Variants in FAF1 observed in about 807,000 individuals in gnomAD.
The protein encoded by FAF1 is FAS-associated factor 1.
Under a neutral mutation model 92.5 loss-of-function variants are expected in FAF1, and 25 were observed. The observed-to-expected ratio is 0.27, with a 90% confidence interval of 0.20 to 0.38. The LOEUF (loss-of-function observed/expected upper bound fraction) is 0.38. FAF1 is among the 10% of genes least tolerant of loss of function. FAF1 has a pLI of 1.00. For synonymous variants in FAF1, 234 were observed against 273.2 expected, an observed-to-expected ratio of 0.86 and a Z score of 1.42; for missense variants, 636 against 793.3, an observed-to-expected ratio of 0.80 and a Z score of 2.38.
chr1:50,542,503 T>C (rs1049767994), intron 13 of FAF1, among the ~76,000 whole-genome samples: 3 of 152,238 alleles, frequency 2.0e-5, no homozygotes, highest in South Asian at 2.1e-4. Context: ...ATAAAATGCA[T>C]GGTTCTCATA....
At chr1:50,760,778 C>T (rs368792194) in intron 4 of FAF1, among the ~76,000 whole-genome samples, 21 of 152,200 alleles carry the variant, frequency 1.4e-4, no homozygotes, top group East Asian at 1.2e-3. Flanking sequence ...ATTAAAAGAA[C>T]TAGAAAAGCA....
At chr1:50,591,091 C>G (rs191800399) in intron 9 of FAF1, among the ~76,000 whole-genome samples, 1 of 151,920 alleles carries the variant, frequency 6.6e-6, no homozygotes, top group Non-Finnish European at 1.5e-5. Context: ...GTGAGTTTTT[C>G]AGATATGTCT....
At chr1:50,513,444 C>T (rs1419543711) in intron 15 of FAF1, among the ~76,000 whole-genome samples, 3 of 152,060 alleles carry the variant, frequency 2.0e-5, no homozygotes, top group African/African-American at 4.8e-5. Context: ...GAGATGAGAT[C>T]GCGCCATTGC....
intron 7 of FAF1, among the ~76,000 whole-genome samples, chr1:50,666,453 C>T (rs1002370180): frequency 7.2e-5 from 11 of 152,112 alleles, no homozygotes; most frequent in Non-Finnish European, 1.3e-4. Context: ...GCAATCCTCC[C>T]ACCTCAGCCC....
At chr1:50,742,540 C>T (rs1011073356) in intron 5 of FAF1, among the ~76,000 whole-genome samples, 4 of 152,164 alleles carry the variant, frequency 2.6e-5, no homozygotes, top group Admixed American at 2.0e-4. Flanking sequence ...TGCACCACCA[C>T]GCCCAGCTAA....
intron 4 of FAF1, among the ~76,000 whole-genome samples, chr1:50,766,045 T>C (rs1260212821): frequency 6.6e-6 from 1 of 151,914 alleles, no homozygotes; most frequent in Non-Finnish European, 1.5e-5. Context: ...TGAGCCGAGA[T>C]CGCGCCATTG....
intron 12 of FAF1, among the ~76,000 whole-genome samples, chr1:50,571,078 T>C (rs1317205770): frequency 2.0e-5 from 3 of 152,218 alleles, no homozygotes; most frequent in African/African-American, 4.8e-5. Context: ...ATTGAGACTA[T>C]AAAGATGAAT....
rs1433619505 is a variant in FAF1 at position 50,441,271 on chromosome 1, A to G, written c.*169T>C. ...GGGAATATATACTCATGGATGGGAA[A>G]TCTTAAGTAGCTATATTTATTATTA... On this transcript the variant is annotated 3_prime_UTR_variant, in exon 19 of 19. Coordinates refer to ENST00000396153, the MANE Select transcript of FAF1 (RefSeq NM_007051.3). 2.5e-5 allele frequency: 13 copies of G among 521,144 alleles called. No individual in the cohort carries two copies. Among genetic ancestry groups the G allele is most frequent in the Middle Eastern group, 5.0e-4 (1 of 2,000 alleles). 32.3% of individuals were successfully genotyped at this position (521,144 alleles called of 1,614,324 possible). A position where few individuals can be genotyped will look rare whatever the true frequency, so the allele number is the denominator to read the frequency against.
intron 4 of FAF1, 54 bp from the exon 5 acceptor site, chr1:50,744,829 T>C (rs375114106): frequency 9.2e-7 from 1 of 1,086,818 alleles, no homozygotes; most frequent in South Asian, 1.4e-5. Context: ...CAGTTAACAT[T>C]TGTCCATATC....
intron 8 of FAF1, among the ~76,000 whole-genome samples, chr1:50,628,730 T>C (rs1557443778): frequency 6.6e-6 from 1 of 152,168 alleles, no homozygotes; most frequent in Non-Finnish European, 1.5e-5. Context: ...TAGTTACCGT[T>C]TTCATCTCAC....
At chr1:50,891,693 G>A (rs573261143) in intron 1 of FAF1, among the ~76,000 whole-genome samples, 139 of 152,332 alleles carry the variant, frequency 9.1e-4, no homozygotes, top group African/African-American at 3.3e-3. Flanking sequence ...AACAGCAAAT[G>A]TTGCTGCCTG....
intron 2 of FAF1, among the ~76,000 whole-genome samples, chr1:50,854,707 T>C (rs1644377681): frequency 6.6e-6 from 1 of 151,846 alleles, no homozygotes; most frequent in Non-Finnish European, 1.5e-5. Context: ...TGACTAATAA[T>C]CAGAACTCCT....
At chr1:50,650,553 GA>G (rs1654817327) in intron 8 of FAF1, among the ~76,000 whole-genome samples, 1 of 152,166 alleles carries the variant, frequency 6.6e-6, no homozygotes, top group Non-Finnish European at 1.5e-5. Flanking sequence ...CTGGGAGGCA[GA>G]GGTTGCAGTC....
chr1:50,761,378 A>G (rs1569902053), intron 4 of FAF1, among the ~76,000 whole-genome samples: 1 of 152,348 alleles, frequency 6.6e-6, no homozygotes, highest in African/African-American at 2.4e-5. Flanking sequence ...AGGCAGAGAC[A>G]CAACCAAAAA....
At chr1:50,648,863 T>C (rs1654718056) in intron 8 of FAF1, among the ~76,000 whole-genome samples, 1 of 152,046 alleles carries the variant, frequency 6.6e-6, no homozygotes, top group African/African-American at 2.4e-5. Flanking sequence ...GAGGCGGAGG[T>C]TGCGGTGAGC....
At chr1:50,813,483 C>T (rs1192710582) in intron 2 of FAF1, among the ~76,000 whole-genome samples, 2 of 151,902 alleles carry the variant, frequency 1.3e-5, no homozygotes, top group African/African-American at 4.8e-5. Context: ...TTTTTTGAGA[C>T]AAGGTCTCCC....
intron 1 of FAF1, among the ~76,000 whole-genome samples, chr1:50,952,534 T>C (rs1486038782): frequency 3.9e-5 from 6 of 152,294 alleles, no homozygotes; most frequent in East Asian, 1.9e-4. Flanking sequence ...CGCCACTCCA[T>C]CTGGGAAGTG....
At chr1:50,584,902 G>T in intron 9 of FAF1, 91 bp from the exon 10 acceptor site, 3 of 1,192,398 alleles carry the variant, frequency 2.5e-6, no homozygotes, top group Non-Finnish European at 3.5e-6. Flanking sequence ...GGACATAAGC[G>T]TTATAAAATT....
At chr1:50,908,689 T>C (rs1341759190) in intron 1 of FAF1, among the ~76,000 whole-genome samples, 2 of 151,744 alleles carry the variant, frequency 1.3e-5, no homozygotes, top group African/African-American at 4.9e-5. Context: ...AGACTAGGAT[T>C]GCAACCCCTG....
Sources: gnomAD v4.1 joint callset for allele counts (sites outside exome capture counted in the v4.1 genomes callset) on GRCh38, gnomAD v4.1.1 for gene constraint, MANE v1.5 for transcripts, NCBI Gene and HGNC (gene_info 2026-07-23, HGNC 2026-07-21) for gene names.